Variants in SUPT3H observed in about 807,000 individuals in gnomAD.
SUPT3H encodes the protein SPT3 homolog, SAGA and STAGA complex component, also known as transcription initiation protein SPT3 homolog.
Under a neutral mutation model 44.3 loss-of-function variants are expected in SUPT3H, and 44 were observed. The observed-to-expected ratio is 0.99, with a 90% CI of 0.78 to 1.28. The LOEUF is 1.28. Among genes scored for constraint, SUPT3H ranks in the 50% most tolerant of loss-of-function variants. SUPT3H has a pLI of 0.00. For synonymous variants in SUPT3H, 124 were observed against 125.6 expected (o/e 0.99, Z 0.09); for missense variants, 380 against 387.1 (o/e 0.98, Z 0.15).
intron 1 of SUPT3H, among the ~76,000 whole-genome samples, chr6:45,366,452 A>G (rs943417649): frequency 3.9e-5 from 6 of 152,246 alleles, no homozygotes; most frequent in African/African-American, 1.4e-4. Flanking sequence ...CAGTACTGAT[A>G]GCACACAGTG....
intron 10 of SUPT3H, among the ~76,000 whole-genome samples, chr6:44,838,730 G>T (rs1770393148): frequency 6.6e-6 from 1 of 151,966 alleles, no homozygotes; most frequent in Admixed American, 6.6e-5. Context: ...TTAGGGCCTG[G>T]CATAAACTCT....
chr6:45,305,829 A>G (rs1782900672), intron 2 of SUPT3H, among the ~76,000 whole-genome samples: 1 of 152,210 alleles, frequency 6.6e-6, no homozygotes, highest in South Asian at 2.1e-4. Context: ...CACTGGGCCC[A>G]CATTTCAGAT....
At chr6:45,313,691 ACAG>A (rs1173465643) in intron 2 of SUPT3H, among the ~76,000 whole-genome samples, 2 of 151,302 alleles carry the variant, frequency 1.3e-5, no homozygotes, top group Admixed American at 1.3e-4. Flanking sequence ...AGACGGATTC[ACAG>A]CAGAATTCTA....
At chr6:45,238,574 C>G (rs1769654288) in intron 2 of SUPT3H, among the ~76,000 whole-genome samples, 1 of 152,134 alleles carries the variant, frequency 6.6e-6, no homozygotes, top group Non-Finnish European at 1.5e-5. Context: ...TAGAATAGAT[C>G]CCAAGAAGAC....
At chr6:45,191,386 G>C (rs1344782901) in intron 2 of SUPT3H, among the ~76,000 whole-genome samples, 1 of 152,042 alleles carries the variant, frequency 6.6e-6, no homozygotes, top group Non-Finnish European at 1.5e-5. Flanking sequence ...ACAATAAAAA[G>C]ATCAGTGTTT....
At chr6:45,278,446 C>T (rs1265910723) in intron 2 of SUPT3H, among the ~76,000 whole-genome samples, 2 of 152,068 alleles carry the variant, frequency 1.3e-5, no homozygotes, top group African/African-American at 2.4e-5. Context: ...AAAGCATTAG[C>T]AACTATGAAA....
At chr6:45,107,727 C>A (rs1799477648) in intron 2 of SUPT3H, among the ~76,000 whole-genome samples, 2 of 152,084 alleles carry the variant, frequency 1.3e-5, no homozygotes, top group Non-Finnish European at 2.9e-5. Context: ...GATGACATAT[C>A]AAGGACCATA....
chr6:45,050,451 A>G (rs535431795), intron 3 of SUPT3H, among the ~76,000 whole-genome samples: 2 of 34,218 alleles, frequency 5.8e-5, no homozygotes, highest in Non-Finnish European at 1.2e-4. Flanking sequence ...AAAGGCAAAG[A>G]AAAAAAAAAC....
chr6:45,195,452 C>T (rs2153621589), intron 2 of SUPT3H, among the ~76,000 whole-genome samples: 1 of 152,164 alleles, frequency 6.6e-6, no homozygotes, highest in South Asian at 2.1e-4. Flanking sequence ...TCCAGTGGCC[C>T]TATGAATATT....
chr6:45,004,302 T>G (rs1418824873), intron 5 of SUPT3H, among the ~76,000 whole-genome samples: 1 of 151,940 alleles, frequency 6.6e-6, no homozygotes, highest in Non-Finnish European at 1.5e-5. Context: ...GGCCATAAAC[T>G]TTTATGTAAC....
intron 2 of SUPT3H, among the ~76,000 whole-genome samples, chr6:45,323,650 C>T (rs1047532677): frequency 3.9e-5 from 6 of 152,014 alleles, no homozygotes; most frequent in Admixed American, 3.3e-4. Flanking sequence ...ATGAGTATCT[C>T]AAAATTTAAC....
intron 2 of SUPT3H, among the ~76,000 whole-genome samples, chr6:45,303,888 G>A (rs1310727457): frequency 6.6e-6 from 1 of 151,446 alleles, no homozygotes; most frequent in South Asian, 2.1e-4. Flanking sequence ...AGCTACTCGG[G>A]AAGCTGAGGC....
chr6:44,877,301 T>C (rs1248321187), intron 10 of SUPT3H, among the ~76,000 whole-genome samples: 1 of 152,120 alleles, frequency 6.6e-6, no homozygotes, highest in Admixed American at 6.6e-5. Context: ...ACCCTGTCTC[T>C]ACTAAAAGCA....
intron 1 of SUPT3H, chr6:45,372,018 G>T: frequency 1.1e-6 from 1 of 950,134 alleles, no homozygotes; most frequent in African/African-American, 1.8e-5. Flanking sequence ...ATACATCAAA[G>T]AATATACAAA....
intron 3 of SUPT3H, among the ~76,000 whole-genome samples, chr6:45,059,336 C>G (rs1423377302): frequency 6.6e-6 from 1 of 152,032 alleles, no homozygotes; most frequent in Non-Finnish European, 1.5e-5. Flanking sequence ...AAGACAAAAA[C>G]CATATGATTA....
At chr6:44,853,745 G>A (rs905990110) in intron 10 of SUPT3H, among the ~76,000 whole-genome samples, 4 of 152,006 alleles carry the variant, frequency 2.6e-5, no homozygotes, top group African/African-American at 7.2e-5. Context: ...CTTCTGGTGG[G>A]GGGAGTGGGA....
chr6:44,960,360 C>T (rs1775837415), intron 7 of SUPT3H, among the ~76,000 whole-genome samples: 2 of 143,814 alleles, frequency 1.4e-5, no homozygotes, highest in South Asian at 4.3e-4. Context: ...GAGGAGGCTG[C>T]AGTGAGCCGA....
intron 5 of SUPT3H, among the ~76,000 whole-genome samples, chr6:45,007,484 C>T (rs947718094): frequency 6.6e-6 from 1 of 151,990 alleles, no homozygotes; most frequent in Non-Finnish European, 1.5e-5. Context: ...TTTGAGATAA[C>T]TATTGCATTT....
chr6:45,141,666 T>A (rs2153590245), intron 2 of SUPT3H, among the ~76,000 whole-genome samples: 1 of 152,126 alleles, frequency 6.6e-6, no homozygotes, highest in African/African-American at 2.4e-5. Flanking sequence ...AAAAAAATTT[T>A]AAGTGCAGAC....
Sources: gnomAD v4.1 joint callset for allele counts (sites outside exome capture counted in the v4.1 genomes callset) on GRCh38, gnomAD v4.1.1 for gene constraint, MANE v1.5 for transcripts, NCBI Gene and HGNC (gene_info 2026-07-23, HGNC 2026-07-21) for gene names.